The following GBP5 variants were observed in gnomAD, a reference collection of about 807,000 sequenced individuals.
GBP5 encodes guanylate binding protein 5.
In GBP5, 48 loss-of-function variants were observed where a neutral mutation model predicts 58.2. The ratio of observed to expected loss-of-function variants is 0.83; its 90% CI spans 0.65 to 1.05. The LOEUF is 1.05. Ranked by LOEUF, GBP5 falls within the 50% of genes least tolerant of loss-of-function variation. The probability of loss-of-function intolerance (pLI) is 0.00; values close to 1 mark genes in which losing one functional copy is unlikely to be tolerated. For missense variants in GBP5, 714 were observed against 686.8 expected, an observed-to-expected ratio of 1.04 and a Z score of -0.44; for synonymous variants, 248 against 251.8, an observed-to-expected ratio of 0.98 and a Z score of 0.14.
chr1:89,270,268 T>C (rs1464408690), intron 2 of GBP5: 1 of 152,170 alleles, frequency 6.6e-6, no homozygotes, highest in African/African-American at 2.4e-5. Context: ...AAAGAGTCTC[T>C]GGTTAAAAAA....
chr1:89,266,218 T>A (rs573044390), intron 7 of GBP5, 128 bp downstream of exon 7: 2 of 757,628 alleles, frequency 2.6e-6, no homozygotes, highest in East Asian at 2.7e-5. Context: ...ATAAATATGA[T>A]ACATATGATT....
chr1:89,264,635 T>C, intron 8 of GBP5, 51 bp downstream of exon 8: 2 of 1,520,800 alleles, frequency 1.3e-6, no homozygotes, highest in Non-Finnish European at 1.8e-6. Context: ...TTCAAAGCAA[T>C]ACTTTGCCTT....
At chr1:89,272,003 G>A (rs1650474684) in intron 1 of GBP5, 1 of 152,106 alleles carries the variant, frequency 6.6e-6, no homozygotes, top group Non-Finnish European at 1.5e-5. Context: ...CTTCTCTCTG[G>A]GCAACATTTT....
intron 2 of GBP5, chr1:89,270,257 T>C (rs547321666): frequency 6.6e-6 from 1 of 152,264 alleles, no homozygotes; most frequent in East Asian, 1.9e-4. Context: ...CCCTATAACC[T>C]AAAGAGTCTC....
chr1:89,262,870 G>A (rs548056021), intron 9 of GBP5, 85 bp from the exon 10 acceptor site: 20 of 828,554 alleles, frequency 2.4e-5, no homozygotes, highest in Non-Finnish European at 3.8e-5. Flanking sequence ...CCTTCCAGCA[G>A]CATCTATTCC....
Position 89,272,733 on chromosome 1 carries a change from A to ACCAGT in GBP5, c.-410_-409insACTGG, listed in dbSNP as rs202143031. Reference sequence around the variant, plus strand: ...GTGGTCTCGCTGGCTTCAGGAGTGAAGCTGCAGACATTCCCAGTGAGTGTT... The same window carrying ACCAGT: ...GTGGTCTCGCTGGCTTCAGGAGTGAACCAGTGCTGCAGACATTCCCAGTGAGTGTT... On this transcript the variant is annotated 5_prime_UTR_variant, in exon 1 of 12. An upstream open reading frame in the 5' UTR loses its in-frame stop. Transcript: ENST00000370459. 1,964 of 153,320 alleles carry ACCAGT rather than the reference A, an allele frequency of 0.013. 35 individuals are homozygous for ACCAGT. The highest frequency in any genetic ancestry group is 0.044 in the African/African-American group (1,844 of 41,560). The allele number at this position is 153,320 out of a possible 1,614,324, so 9.5% of individuals were successfully genotyped here. A position where few individuals can be genotyped will look rare whatever the true frequency, so the allele number is the denominator to read the frequency against.
intron 8 of GBP5, 113 bp downstream of exon 8, chr1:89,264,570 ATAT>A (rs745344324): frequency 1.4e-4 from 122 of 851,116 alleles, no homozygotes; most frequent in South Asian, 3.8e-4. Context: ...TCATGGCTAT[ATAT>A]TATTATTTTC....
Position 89,260,134 on chromosome 1 carries a change from T to C in GBP5, c.*570A>G, listed in dbSNP as rs1420635892. The C allele has an allele frequency of 6.6e-6, 1 of 152,520 alleles. No individual in the cohort carries two copies. The highest frequency in any genetic ancestry group is 2.4e-5 in the African/African-American group (1 of 41,456). 9.4% of individuals were successfully genotyped at this position (152,520 alleles called of 1,614,324 possible). ...GGTGGCGTTATTGGTTTCTGGTTTA[T>C]ATTGTTCCACAAGGATCACACAACC... On this transcript the variant is annotated 3_prime_UTR_variant, in exon 12 of 12. Transcript: ENST00000370459.
At chr1:89,272,406 C>T (rs1650494001) in intron 1 of GBP5, 46 bp downstream of exon 1, 1 of 155,922 alleles carries the variant, frequency 6.4e-6, no homozygotes, top group Admixed American at 6.5e-5. Flanking sequence ...GTTTCTAAAA[C>T]CAAATGAATC....
intron 3 of GBP5, 78 bp downstream of exon 3, chr1:89,269,288 C>T (rs1229992419): frequency 7.2e-7 from 1 of 1,393,792 alleles, no homozygotes. Flanking sequence ...GTCTTACTCT[C>T]TCCTTGCTTC....
At chr1:89,268,883 T>C in intron 3 of GBP5, 27 bp from the exon 4 acceptor site, 2 of 1,606,402 alleles carry the variant, frequency 1.2e-6, no homozygotes, top group Non-Finnish European at 8.5e-7. Flanking sequence ...GAGGTTGTAA[T>C]AGAAGAGAAA....
At chr1:89,267,608 G>T in intron 4 of GBP5, 82 bp from the exon 5 acceptor site, 1 of 795,110 alleles carries the variant, frequency 1.3e-6, no homozygotes, top group South Asian at 1.4e-5. Context: ...TGTCATAAAT[G>T]TTTAACAAGA....
At chr1:89,265,477 T>C (rs893092305) in intron 7 of GBP5, among the ~76,000 whole-genome samples, 15 of 151,414 alleles carry the variant, frequency 9.9e-5, no homozygotes, top group Admixed American at 6.6e-5. Flanking sequence ...TCTAAAAAAG[T>C]GCAAAGTTTG....
At position 89,267,466 on chromosome 1, in the gene GBP5, C is replaced by G. The variant is rs1392733079; in HGVS notation, c.379G>C (p.Val127Leu). Residue 127 changes from valine (V) to leucine (L), a missense_variant, in exon 5 of 12, where the codon GTG becomes CTG. Val to Leu is a conservative substitution (Grantham distance 32). Coordinates refer to ENST00000370459, the MANE Select transcript of GBP5 (RefSeq NM_052942.5). ...TCAATTTTGTTCACAGTATTGTACA[C>G]AAAGGTGCTGCTCAGTAAGAGTGCC... ...ALALLLSSTF[V>L]YNTVNKIDQG... 1.9e-6 allele frequency: 3 copies of G among 1,613,884 alleles called. No homozygotes were observed. Among genetic ancestry groups the G allele is most frequent in the African/African-American group, 1.3e-5 (1 of 74,902 alleles).
In GBP5 at chr1:89,263,781, TTC is replaced by T. The variant is rs575024461; in HGVS notation, c.1315_1316del (p.Glu439ArgfsTer17). The T allele has an allele frequency of 3.1e-3, 5,068 of 1,613,850 alleles. 18 individuals are homozygous for T. The highest frequency in any genetic ancestry group is 3.9e-3 in the Non-Finnish European group (4,626 of 1,179,910). On this transcript the variant is annotated frameshift_variant, in exon 9 of 12. Coordinates refer to ENST00000370459, the MANE Select transcript of GBP5 (RefSeq NM_052942.5). LOFTEE classifies it high-confidence loss of function. Reference protein sequence around the residue: ...GGHNLFIQKTEELKAKYYREP... With the variant: ...GGHNLFIQKTXELKAKYYREP... The stretch of plus-strand genomic sequence containing the variant: ...CCCGATAGTACTTTGCCTTCAGTTC[TTC>T]TGTTTTCTGAATGAAGAGATTATGG...
At chr1:89,268,704 G>A (rs372346569) in intron 4 of GBP5, 25 bp downstream of exon 4, 1 of 1,612,216 alleles carries the variant, frequency 6.2e-7, no homozygotes, top group African/African-American at 1.3e-5. Context: ...AGATTAGGAG[G>A]TTAAAAAAAG....
Position 89,266,420 on chromosome 1 carries a change from G to A in GBP5, c.794C>T (p.Thr265Ile), listed in dbSNP as rs201259247. ...ELEPEFVQQV[T>I]EFCSYIFSHS... ...GCTAAAGATGTAGGAACAGAATTCT[G>A]TCACTTGTTGCACAAATTCAGGCTC... The change falls in exon 7 of 12, where the codon ACA (threonine) becomes ATA (isoleucine). Residue 265 changes from threonine (T) to isoleucine (I), a missense_variant. By Grantham distance (89) the Thr-to-Ile change is moderately conservative. Coordinates refer to ENST00000370459, the MANE Select transcript of GBP5 (RefSeq NM_052942.5). 6.2e-7 allele frequency: 1 copy of A among 1,614,006 alleles called. No individual in the cohort carries two copies. The highest frequency in any genetic ancestry group is 1.1e-5 in the South Asian group (1 of 91,086).
At position 89,263,756 on chromosome 1, in the gene GBP5, C is replaced by T. The variant is rs143662900; in HGVS notation, c.1342G>A (p.Glu448Lys). 229 of 1,613,216 alleles carry T rather than the reference C, an allele frequency of 1.4e-4. No homozygotes were observed. The highest frequency in any genetic ancestry group is 6.6e-4 in the Middle Eastern group (4 of 6,084). The change falls in exon 9 of 12, where the codon GAG becomes AAG. Residue 448 changes from glutamate (E) to lysine (K), a missense_variant. Transcript: ENST00000370459. ...TEELKAKYYREPRKGIQAEEV... is the reference protein window; with the variant it reads ...TEELKAKYYRKPRKGIQAEEV... ...GATACCTGTATTCCTTTCCGAGGCT[C>T]CCGATAGTACTTTGCCTTCAGTTCT... is the stretch of plus-strand genomic sequence containing the variant.
rs757117645 is a variant in GBP5 at position 89,267,114 on chromosome 1, G to T, written c.468C>A (p.Asn156Lys). 26 of 1,607,072 alleles carry T rather than the reference G, an allele frequency of 1.6e-5. No individual in the cohort carries two copies. The highest frequency in any genetic ancestry group is 2.1e-5 in the Non-Finnish European group (25 of 1,178,358). Residue 156 changes from asparagine to lysine, a missense_variant, in exon 6 of 12, where the codon AAC (asparagine) becomes AAA (lysine). Coordinates refer to ENST00000370459, the MANE Select transcript of GBP5 (RefSeq NM_052942.5). ...CTTCAACCCTGTCAAGGTCGGGTGA[G>T]TTTCTTGCCTTGAGCAGATCTGTCA... is the stretch of plus-strand genomic sequence containing the variant. Reference protein sequence around the residue: ...TELTDLLKARNSPDLDRVEDP... With the variant: ...TELTDLLKARKSPDLDRVEDP...
Sources: gnomAD v4.1 joint callset for allele counts (sites outside exome capture counted in the v4.1 genomes callset) on GRCh38, gnomAD v4.1.1 for gene constraint, MANE v1.5 for transcripts, NCBI Gene and HGNC (gene_info 2026-07-23, HGNC 2026-07-21) for gene names.